The following PCDHAC1 variants were observed in gnomAD, a reference collection of about 807,000 sequenced individuals.
PCDHAC1 encodes protocadherin alpha subfamily C, 1.
PCDHAC1 carries 42 observed loss-of-function variants against 60.0 expected under a neutral mutation model. The observed-to-expected ratio is 0.70, with a 90% CI of 0.55 to 0.90. The LOEUF is 0.90. PCDHAC1 is among the 40% of genes least tolerant of loss of function. PCDHAC1 has a pLI of 0.00. For synonymous variants in PCDHAC1, 468 were observed against 499.3 expected (o/e 0.94, Z 0.84); for missense variants, 1,160 against 1,222.3 (o/e 0.95, Z 0.76).
chr5:140,967,012 G>A, intron 1 of PCDHAC1: 1 of 1,606,776 alleles, frequency 6.2e-7, no homozygotes, highest in Non-Finnish European at 8.5e-7. Flanking sequence ...TCAACCATCT[G>A]GGTGCGCCCA....
At position 140,928,712 on chromosome 5, in the gene PCDHAC1, G is replaced by A; in HGVS notation, c.1820G>A (p.Ser607Asn). 3.1e-6 allele frequency: 5 copies of A among 1,614,168 alleles called. No homozygotes were observed. The highest frequency in any genetic ancestry group is 4.2e-6 in the Non-Finnish European group (5 of 1,180,042). ...SYHISRASDS[S>N]LFRISANIGE... Reference sequence around the variant, plus strand: ...CACATCTCCCGGGCGTCTGACTCTAGTCTCTTTAGAATTTCAGCCAATATA... The same window carrying A: ...CACATCTCCCGGGCGTCTGACTCTAATCTCTTTAGAATTTCAGCCAATATA... Residue 607 changes from serine to asparagine, a missense_variant, in exon 1 of 4, where the codon AGT becomes AAT. Around this residue, in one of 3 missense-constraint regions of PCDHAC1, gnomAD observed 1,113 missense variants for 1,163.7 expected, o/e 0.96. Coordinates refer to ENST00000253807, the MANE Select transcript of PCDHAC1 (RefSeq NM_018898.5).
In PCDHAC1 at chr5:140,928,994, T is replaced by C; in HGVS notation, c.2102T>C (p.Phe701Ser). 1 of 1,613,992 alleles carries C rather than the reference T, an allele frequency of 6.2e-7. No homozygotes were observed. ...ISFLFLGCLL[F>S]FVCTKLHQSP... ...TTTTTATTTCTGGGGTGCTTACTTT[T>C]CTTCGTGTGTACCAAGTTGCACCAG... The change falls in exon 1 of 4, where the codon TTC becomes TCC. Residue 701 changes from phenylalanine to serine, a missense_variant. Physicochemically the swap from Phe to Ser is radical, Grantham distance 155 (BLOSUM62 -2). Transcript: ENST00000253807.
At chr5:140,989,317 C>G (rs184467267) in intron 3 of PCDHAC1, among the ~76,000 whole-genome samples, 2 of 152,126 alleles carry the variant, frequency 1.3e-5, no homozygotes, top group Non-Finnish European at 2.9e-5. Context: ...TAGGGTCTCA[C>G]CAACTTTGCC....
At position 140,996,204 on chromosome 5, in the gene PCDHAC1, A is replaced by G. The variant is rs1405552013; in HGVS notation, c.2582-13423A>G. ...TCCATTTTATACCCTCAATGCAAGG[A>G]TATCACTACTTGTCTAGAAATGGTT... On this transcript the variant is annotated intron_variant, in intron 3 of 3. Coordinates refer to ENST00000253807, the MANE Select transcript of PCDHAC1 (RefSeq NM_018898.5). Among the ~76,000 whole-genome samples the G allele has an allele frequency of 7.2e-5, 11 of 152,240 alleles. No homozygotes were observed. The South Asian group carries it at 2.3e-3, about 32-fold the overall frequency.
chr5:140,954,360 A>G (rs1203050549), intron 1 of PCDHAC1, among the ~76,000 whole-genome samples: 2 of 152,212 alleles, frequency 1.3e-5, no homozygotes, highest in African/African-American at 4.8e-5. Flanking sequence ...GAATCGCCAC[A>G]CAGTCTCCCA....
At chr5:140,933,036 A>G (rs545196190) in intron 1 of PCDHAC1, among the ~76,000 whole-genome samples, 5 of 152,154 alleles carry the variant, frequency 3.3e-5, no homozygotes, top group South Asian at 4.1e-4. Context: ...CTTCAAGTGA[A>G]TATGGATTAC....
rs371269236 is a variant in PCDHAC1, at chr5:141,009,740, G to A, written c.2695G>A (p.Asp899Asn). Residue 899 changes from aspartate to asparagine, a missense_variant, in exon 4 of 4, where the codon GAC becomes AAC. Asp to Asn is a conservative substitution (Grantham distance 23, BLOSUM62 1). This residue lies in a region of PCDHAC1 where 1,113 missense variants were observed against 1,163.7 expected (regional missense o/e 0.96). Coordinates refer to ENST00000253807, the MANE Select transcript of PCDHAC1 (RefSeq NM_018898.5). ...PKQSGPGELP[D>N]KFIIPGSPAI... ...ACAATCCGGTCCCGGTGAGTTGCCC[G>A]ACAAATTCATTATCCCAGGATCTCC... The A allele has an allele frequency of 1.8e-4, 293 of 1,613,962 alleles. No individual in the cohort carries two copies. Among genetic ancestry groups the A allele is most frequent in the East Asian group, 1.6e-3 (74 of 44,884 alleles).
At position 141,010,718 on chromosome 5, in the gene PCDHAC1, T is replaced by C. The variant is rs2154002137; in HGVS notation, c.*781T>C. Reference sequence around the variant, plus strand: ...TTTCCTATACATGTCCTGTGCTCACTTTATTAAAAATTCTTTTGCACACAA... The same window carrying C: ...TTTCCTATACATGTCCTGTGCTCACCTTATTAAAAATTCTTTTGCACACAA... On this transcript the variant is annotated 3_prime_UTR_variant, in exon 4 of 4. Coordinates refer to ENST00000253807, the MANE Select transcript of PCDHAC1 (RefSeq NM_018898.5). The C allele has an allele frequency of 6.5e-6, 1 of 154,542 alleles. No homozygotes were observed. The highest frequency in any genetic ancestry group is 1.9e-4 in the East Asian group (1 of 5,208). 9.6% of individuals were successfully genotyped at this position (154,542 alleles called of 1,614,324 possible). A position where few individuals can be genotyped will look rare whatever the true frequency, so the allele number is the denominator to read the frequency against.
chr5:140,935,080 C>G (rs1163743447), intron 1 of PCDHAC1, among the ~76,000 whole-genome samples: 2 of 152,076 alleles, frequency 1.3e-5, no homozygotes, highest in Non-Finnish European at 2.9e-5. Context: ...TGTACATTTC[C>G]TTTCCCAGAA....
intron 1 of PCDHAC1, among the ~76,000 whole-genome samples, chr5:140,955,276 T>A (rs1485560412): frequency 6.6e-6 from 1 of 152,120 alleles, no homozygotes; most frequent in Non-Finnish European, 1.5e-5. Flanking sequence ...TTTGGTTCCA[T>A]ATTGATATGG....
chr5:140,938,926 T>C (rs149516801), intron 1 of PCDHAC1, among the ~76,000 whole-genome samples: 9 of 152,172 alleles, frequency 5.9e-5, no homozygotes, highest in Non-Finnish European at 1.2e-4. Context: ...AGAAATTGGC[T>C]TTTAACTTTC....
At position 140,926,897 on chromosome 5, in the gene PCDHAC1, T is replaced by C; in HGVS notation, c.5T>C (p.Val2Ala). 2 of 1,548,696 alleles carry C rather than the reference T, an allele frequency of 1.3e-6. No individual in the cohort carries two copies. Among genetic ancestry groups the C allele is most frequent in the Non-Finnish European group, 1.7e-6 (2 of 1,145,690 alleles). M[V>A]GCGVAVLCLW... ...ACGTGGACGCCTAGAGGGAGGATGGTGGGCTGTGGGGTGGCAGTTTTATGT... is the reference window on the plus strand; with the variant it reads ...ACGTGGACGCCTAGAGGGAGGATGGCGGGCTGTGGGGTGGCAGTTTTATGT... The change falls in exon 1 of 4, where the codon GTG (valine) becomes GCG (alanine). Residue 2 changes from valine to alanine, a missense_variant. Around this residue, in one of 3 missense-constraint regions of PCDHAC1, gnomAD observed 43 missense variants for 40.4 expected, o/e 1.06. Coordinates refer to ENST00000253807, the MANE Select transcript of PCDHAC1 (RefSeq NM_018898.5).
intron 3 of PCDHAC1, among the ~76,000 whole-genome samples, chr5:140,999,125 G>C (rs1554256627): frequency 6.6e-6 from 1 of 152,152 alleles, no homozygotes; most frequent in South Asian, 2.1e-4. Context: ...TTCTAAGCTG[G>C]AAAATGTCAC....
chr5:140,992,342 T>C (rs2097506091), intron 3 of PCDHAC1, among the ~76,000 whole-genome samples: 1 of 152,102 alleles, frequency 6.6e-6, no homozygotes. Flanking sequence ...AAGATGGAAA[T>C]GTGGAGAGAG....
At chr5:140,952,104 C>T (rs1009516552) in intron 1 of PCDHAC1, among the ~76,000 whole-genome samples, 3 of 152,102 alleles carry the variant, frequency 2.0e-5, no homozygotes, top group South Asian at 2.1e-4. Flanking sequence ...AGGGCACACT[C>T]GTGTGAGGGA....
chr5:140,978,829 T>C, intron 1 of PCDHAC1, 120 bp from the exon 2 acceptor site: 1 of 1,533,852 alleles, frequency 6.5e-7, no homozygotes, highest in Non-Finnish European at 8.8e-7. Flanking sequence ...ATGAAATGGC[T>C]CATTCAATAC....
intron 3 of PCDHAC1, among the ~76,000 whole-genome samples, chr5:141,002,620 A>G (rs553505520): frequency 6.8e-4 from 104 of 152,336 alleles, no homozygotes; most frequent in African/African-American, 2.4e-3. Flanking sequence ...CACATAACAC[A>G]GACAGAGATA....
rs1419215366 is a variant in PCDHAC1, at chr5:141,010,888, T to G, written c.*951T>G. 2 of 153,748 alleles carry G rather than the reference T, an allele frequency of 1.3e-5. No homozygotes were observed. The highest frequency in any genetic ancestry group is 2.9e-5 in the Non-Finnish European group (2 of 68,032). The allele number at this position is 153,748 out of a possible 1,614,324, so 9.5% of individuals were successfully genotyped here. On this transcript the variant is annotated 3_prime_UTR_variant, in exon 4 of 4. Coordinates refer to ENST00000253807, the MANE Select transcript of PCDHAC1 (RefSeq NM_018898.5). Reference sequence around the variant, plus strand: ...AGCTATAAATCTTTAAAGAGAAATATGAATACAATTCCCCTAAACTCTCCT... The same window carrying G: ...AGCTATAAATCTTTAAAGAGAAATAGGAATACAATTCCCCTAAACTCTCCT...
intron 3 of PCDHAC1, among the ~76,000 whole-genome samples, chr5:140,999,845 T>C (rs1293721817): frequency 6.6e-6 from 1 of 152,188 alleles, no homozygotes; most frequent in African/African-American, 2.4e-5. Context: ...CAAGTGTATT[T>C]ATCTCTTCCG....
Sources: allele counts gnomAD v4.1 joint callset (sites outside exome capture counted in the v4.1 genomes callset), GRCh38; gene constraint gnomAD v4.1.1; regional missense constraint gnomAD v4.1.1; transcripts MANE v1.5; gene names NCBI Gene and HGNC (gene_info 2026-07-23, HGNC 2026-07-21).